SLC11A2: variants seen among roughly 807,000 people sequenced by gnomAD.
The protein encoded by SLC11A2 is natural resistance-associated macrophage protein 2.
SLC11A2 carries 38 observed loss-of-function variants against 68.0 expected under a neutral mutation model. The ratio of observed to expected loss-of-function variants is 0.56; its 90% CI spans 0.43 to 0.73. The LOEUF (loss-of-function observed/expected upper bound fraction) is 0.73. SLC11A2 is among the 30% of genes least tolerant of loss of function. The pLI is 0.00. For synonymous variants in SLC11A2, 242 were observed against 250.6 expected, an observed-to-expected ratio of 0.97 and a Z score of 0.32; for missense variants, 517 against 690.5, an observed-to-expected ratio of 0.75 and a Z score of 2.82.
chr12:51,018,286 T>G (rs983557384), intron 1 of SLC11A2, among the ~76,000 whole-genome samples: 1 of 151,656 alleles, frequency 6.6e-6, no homozygotes, highest in African/African-American at 2.4e-5. Flanking sequence ...TCCCAGCTAT[T>G]GGGAGGCTGA....
At chr12:50,990,671 A>G in intron 15 of SLC11A2, 124 bp downstream of exon 15, 1 of 973,092 alleles carries the variant, frequency 1.0e-6, no homozygotes, top group African/African-American at 1.6e-5. Flanking sequence ...CAGCCTCCCA[A>G]AGTACTGGGA....
At chr12:50,981,769 T>C (rs761881038), downstream of SLC11A2, 9 of 1,536,010 alleles carry the variant, frequency 5.9e-6, 1 homozygote, top group East Asian at 2.4e-5. Flanking sequence ...GTTCAGAAGA[T>C]AGAGTTCAGG....
chr12:50,955,054 G>C, the SLC11A2 span, among the ~76,000 whole-genome samples: 1 of 152,156 alleles, frequency 6.6e-6, no homozygotes, highest in African/African-American at 2.4e-5. Flanking sequence ...CACTTTGAGA[G>C]GCCGAGGCAG....
chr12:51,011,870 GT>G (rs1376839524), intron 1 of SLC11A2, among the ~76,000 whole-genome samples: 1 of 152,044 alleles, frequency 6.6e-6, no homozygotes, highest in African/African-American at 2.4e-5. Context: ...TATTTTATGA[GT>G]TTTTAAGGAC....
At chr12:50,983,995 G>A (rs918947546), downstream of SLC11A2, among the ~76,000 whole-genome samples, 17 of 151,622 alleles carry the variant, frequency 1.1e-4, no homozygotes, top group African/African-American at 3.6e-4. Flanking sequence ...CAGGCATGGT[G>A]GTGGGCACCT....
the SLC11A2 span, among the ~76,000 whole-genome samples, chr12:50,954,731 C>T: frequency 6.6e-6 from 1 of 152,024 alleles, no homozygotes; most frequent in Non-Finnish European, 1.5e-5. Context: ...GTCTCAAAAA[C>T]AAACAAACAA....
chr12:50,994,483 C>T, intron 11 of SLC11A2, 61 bp downstream of exon 11: 2 of 1,071,416 alleles, frequency 1.9e-6, no homozygotes, highest in Non-Finnish European at 1.5e-6. Flanking sequence ...ACAAAAAAGA[C>T]CACATACTAT....
intron 5 of SLC11A2, 80 bp downstream of exon 5, chr12:51,004,708 G>T: frequency 6.5e-7 from 1 of 1,532,598 alleles, no homozygotes; most frequent in Non-Finnish European, 9.0e-7. Flanking sequence ...TCTCACTATA[G>T]AATGAGGCCA....
chr12:50,976,732 G>A (rs903147708), downstream of SLC11A2, among the ~76,000 whole-genome samples: 5 of 152,172 alleles, frequency 3.3e-5, no homozygotes, highest in African/African-American at 1.2e-4. Context: ...TAACATGATT[G>A]TATATCTAGA....
chr12:51,010,215 A>C (rs376597642), intron 2 of SLC11A2, among the ~76,000 whole-genome samples: 1 of 150,336 alleles, frequency 6.7e-6, no homozygotes, highest in Admixed American at 6.6e-5. Context: ...AAACAAACAA[A>C]AAAAAAACAT....
In SLC11A2 at chr12:51,008,510, T is replaced by A; in HGVS notation, c.149A>T (p.Tyr50Phe). 1.2e-6 allele frequency: 2 copies of A among 1,613,488 alleles called. No homozygotes were observed. The highest frequency in any genetic ancestry group is 1.7e-6 in the Non-Finnish European group (2 of 1,179,504). Residue 50 changes from tyrosine (Y) to phenylalanine (F), a missense_variant, in exon 3 of 16, where the codon TAC becomes TTC. Tyr to Phe is a conservative substitution (Grantham distance 22, BLOSUM62 3). Transcript: ENST00000262052. The stretch of plus-strand genomic sequence containing the variant: ...AGGAATGGAGATCTTCTCATTAAAG[T>A]AAGTGGCGAAGTACTCCTCTGAGTC... The part of the protein sequence containing the change: ...PGDSEEYFAT[Y>F]FNEKISIPEE...
intron 10 of SLC11A2, 124 bp downstream of exon 10, chr12:50,995,505 C>A: frequency 9.6e-7 from 1 of 1,042,380 alleles, no homozygotes; most frequent in South Asian, 1.3e-5. Context: ...GGGGGGCAGA[C>A]GAGAAGCTAG....
chr12:50,979,189 A>G (rs1307791551), downstream of SLC11A2, among the ~76,000 whole-genome samples: 1 of 152,210 alleles, frequency 6.6e-6, no homozygotes, highest in Non-Finnish European at 1.5e-5. Flanking sequence ...AACTTAGAAA[A>G]AAGCTTACCC....
the SLC11A2 span, among the ~76,000 whole-genome samples, chr12:50,953,372 C>T: frequency 2.0e-5 from 3 of 152,304 alleles, no homozygotes; most frequent in East Asian, 3.9e-4. Context: ...CAGACTCAGG[C>T]GCTGCTAAAT....
At chr12:51,006,795 G>T (rs936359371) in intron 3 of SLC11A2, among the ~76,000 whole-genome samples, 81 of 152,166 alleles carry the variant, frequency 5.3e-4, no homozygotes, top group African/African-American at 1.9e-3. Flanking sequence ...TAGAGACAGG[G>T]TTTTGCCATG....
the SLC11A2 span, among the ~76,000 whole-genome samples, chr12:50,969,253 C>T: frequency 7.2e-5 from 11 of 152,006 alleles, no homozygotes; most frequent in East Asian, 2.1e-3. Context: ...AAGATCACCC[C>T]ACTGCACTCC....
chr12:50,988,494 C>A, intron 15 of SLC11A2, 59 bp from the exon 16 acceptor site: 1 of 1,610,348 alleles, frequency 6.2e-7, no homozygotes, highest in Non-Finnish European at 8.5e-7. Context: ...TGACTGCTCA[C>A]ACAGCACTTC....
chr12:51,009,046 CT>C, intron 2 of SLC11A2: 1 of 899,570 alleles, frequency 1.1e-6, no homozygotes. Flanking sequence ...AAAATCCTAG[CT>C]TTTAAAAGAA....
At chr12:50,953,857 T>G in the SLC11A2 span, 1 of 557,882 alleles carries the variant, frequency 1.8e-6, no homozygotes, top group Admixed American at 3.2e-5. Context: ...GAAAGACAAT[T>G]GTTTCAGTTG....
Sources: gnomAD v4.1 joint callset for allele counts (sites outside exome capture counted in the v4.1 genomes callset) on GRCh38, gnomAD v4.1.1 for gene constraint, MANE v1.5 for transcripts, NCBI Gene and HGNC (gene_info 2026-07-23, HGNC 2026-07-21) for gene names.